The following PTPRD variants were observed in gnomAD, a reference collection of about 807,000 sequenced individuals.
PTPRD encodes protein tyrosine phosphatase receptor type D, also known as receptor-type tyrosine-protein phosphatase delta.
In PTPRD, 34 loss-of-function variants were observed where a neutral mutation model predicts 214.5. That is an observed-to-expected ratio of 0.16 (90% confidence interval 0.12 to 0.21). The LOEUF (loss-of-function observed/expected upper bound fraction) is 0.21, where lower values mean the gene tolerates loss of function less well. Among genes scored for constraint, PTPRD ranks in the 10% least tolerant of loss-of-function variants. The probability of loss-of-function intolerance (pLI) is 1.00; values close to 1 mark genes in which losing one functional copy is unlikely to be tolerated. For missense variants in PTPRD, 2,545 were observed against 2,398.7 expected, an observed-to-expected ratio of 1.06 and a Z score of -1.27; for synonymous variants, 1,128 against 845.7, an observed-to-expected ratio of 1.33 and a Z score of -5.79.
chr9:9,621,343 A>T (rs968200435), intron 7 of PTPRD, among the ~76,000 whole-genome samples: 1 of 152,158 alleles, frequency 6.6e-6, no homozygotes, highest in Non-Finnish European at 1.5e-5. Context: ...CTTGAACTGA[A>T]ACTGCCAATG....
chr9:8,847,882 T>C (rs1443159120), intron 11 of PTPRD, among the ~76,000 whole-genome samples: 1 of 152,202 alleles, frequency 6.6e-6, no homozygotes, highest in African/African-American at 2.4e-5. Flanking sequence ...TAGGGCAGGC[T>C]GCCAATAAGC....
chr9:9,752,450 A>G (rs2098529701), intron 6 of PTPRD, among the ~76,000 whole-genome samples: 1 of 152,066 alleles, frequency 6.6e-6, no homozygotes, highest in African/African-American at 2.4e-5. Flanking sequence ...ATAACAGTTT[A>G]CAGTGGAAAA....
chr9:8,940,305 T>C (rs2154293868), intron 11 of PTPRD, among the ~76,000 whole-genome samples: 1 of 144,744 alleles, frequency 6.9e-6, no homozygotes, highest in Non-Finnish European at 1.5e-5. Context: ...TTTTTTGAGA[T>C]GGAGTCTTCC....
At chr9:9,706,391 G>T (rs1375300452) in intron 7 of PTPRD, among the ~76,000 whole-genome samples, 2 of 150,918 alleles carry the variant, frequency 1.3e-5, no homozygotes, top group East Asian at 3.9e-4. Flanking sequence ...GAGTACTATT[G>T]TACTATTGTT....
At chr9:8,485,439 G>T in intron 28 of PTPRD, 115 bp from the exon 29 acceptor site, 1 of 715,144 alleles carries the variant, frequency 1.4e-6, no homozygotes, top group African/African-American at 1.8e-5. Context: ...ATCAGAGAGA[G>T]AAGTATGATT....
chr9:10,020,473 T>G (rs547486694), intron 4 of PTPRD, among the ~76,000 whole-genome samples: 3 of 83,558 alleles, frequency 3.6e-5, no homozygotes, highest in African/African-American at 1.0e-4. Flanking sequence ...CAGCTAATTT[T>G]TGTTTTTTTA....
chr9:8,763,593 A>G (rs1344269711), intron 11 of PTPRD, among the ~76,000 whole-genome samples: 1 of 151,410 alleles, frequency 6.6e-6, no homozygotes, highest in African/African-American at 2.4e-5. Context: ...ATAACACTAT[A>G]ATGCATTGCT....
At chr9:8,361,100 A>T (rs559408297) in intron 39 of PTPRD, among the ~76,000 whole-genome samples, 35 of 152,320 alleles carry the variant, frequency 2.3e-4, no homozygotes, top group South Asian at 4.1e-4. Context: ...CCAATTATGA[A>T]TGCGTCAGAT....
At chr9:9,574,972 A>G (rs892922883) in intron 7 of PTPRD, among the ~76,000 whole-genome samples, 191 bp from the exon 8 acceptor site, 14 of 152,114 alleles carry the variant, frequency 9.2e-5, no homozygotes, top group East Asian at 1.9e-4. Flanking sequence ...TCTTACATCA[A>G]AGTATTGTGA....
chr9:10,043,687 A>G (rs1401430086), intron 3 of PTPRD, among the ~76,000 whole-genome samples: 2 of 151,878 alleles, frequency 1.3e-5, no homozygotes, highest in Admixed American at 6.6e-5. Context: ...AAAATGATAT[A>G]AAGAAACAAG....
chr9:9,593,038 C>G (rs2092900958), intron 7 of PTPRD, among the ~76,000 whole-genome samples: 1 of 144,264 alleles, frequency 6.9e-6, no homozygotes, highest in Non-Finnish European at 1.5e-5. Context: ...GAGCAAGACT[C>G]TGTCAAAAAG....
At chr9:9,936,463 C>T (rs2089453756) in intron 5 of PTPRD, among the ~76,000 whole-genome samples, 1 of 150,726 alleles carries the variant, frequency 6.6e-6, no homozygotes, top group African/African-American at 2.5e-5. Flanking sequence ...AGCCAAAAAA[C>T]ACATGAAAAA....
chr9:10,142,762 A>G (rs528904947), intron 3 of PTPRD, among the ~76,000 whole-genome samples: 233 of 149,222 alleles, frequency 1.6e-3, no homozygotes, highest in African/African-American at 5.3e-3. Context: ...TGACCCAGCC[A>G]TCCCATTACT....
chr9:10,493,482 G>A (rs1051337148), intron 2 of PTPRD, among the ~76,000 whole-genome samples: 3 of 151,984 alleles, frequency 2.0e-5, no homozygotes, highest in Admixed American at 2.0e-4. Context: ...AAACCTGACA[G>A]AAACAAGCAA....
Position 9,810,206 on chromosome 9 carries a change from G to T in PTPRD, c.-367-43355C>A, listed in dbSNP as rs1248199618. Reference sequence around the variant, plus strand: ...TTAAGAAGCATTTTATTTTGTTTAGGTTACTTTATTGTAAGAATATATACT... The same window carrying T: ...TTAAGAAGCATTTTATTTTGTTTAGTTTACTTTATTGTAAGAATATATACT... On this transcript the variant is annotated intron_variant, in intron 5 of 45. Coordinates refer to ENST00000381196, the MANE Select transcript of PTPRD (RefSeq NM_002839.4). Among the ~76,000 whole-genome samples the T allele has an allele frequency of 5.4e-5, 8 of 148,652 alleles. No individual in the cohort carries two copies. In the Admixed American group the frequency reaches 5.4e-4, roughly 10 times the overall value.
intron 8 of PTPRD, among the ~76,000 whole-genome samples, chr9:9,440,022 G>C (rs1310935931): frequency 6.6e-6 from 1 of 152,130 alleles, no homozygotes; most frequent in Non-Finnish European, 1.5e-5. Flanking sequence ...CTTCATGAAA[G>C]CAAAAGGTTA....
At chr9:9,944,246 T>C (rs1249729277) in intron 4 of PTPRD, among the ~76,000 whole-genome samples, 3 of 152,122 alleles carry the variant, frequency 2.0e-5, no homozygotes, top group South Asian at 2.1e-4. Context: ...TAACAACCTA[T>C]AGTAGATATC....
At position 9,366,111 on chromosome 9, in the gene PTPRD, T is replaced by A. The variant is rs766265183; in HGVS notation, c.-203+31338A>T. On this transcript the variant is annotated intron_variant, in intron 9 of 45. Coordinates refer to ENST00000381196, the MANE Select transcript of PTPRD (RefSeq NM_002839.4). ...TGAGAATTCAAATACCCTACCTATC[T>A]AATGAACACCAGATCATATATGGAA... Among the ~76,000 whole-genome samples, 25 of 151,542 alleles carry A rather than the reference T, an allele frequency of 1.6e-4. No homozygotes were observed. The East Asian group carries it at 4.3e-3, about 26-fold the overall frequency.
chr9:9,426,634 C>A (rs566052894), intron 8 of PTPRD, among the ~76,000 whole-genome samples: 1 of 152,170 alleles, frequency 6.6e-6, no homozygotes, highest in Non-Finnish European at 1.5e-5. Context: ...ACCCCCGAGT[C>A]GCCTAACTGG....
Sources: allele counts gnomAD v4.1 joint callset (sites outside exome capture counted in the v4.1 genomes callset), GRCh38; gene constraint gnomAD v4.1.1; transcripts MANE v1.5; gene names NCBI Gene and HGNC (gene_info 2026-07-23, HGNC 2026-07-21).